The following CTNNA2 variants were observed in gnomAD, a reference collection of about 807,000 sequenced individuals.
CTNNA2 encodes catenin alpha-2.
Under a neutral mutation model 101.0 loss-of-function variants are expected in CTNNA2, and 42 were observed. That is an observed-to-expected ratio of 0.42 (90% confidence interval 0.32 to 0.54). The LOEUF (loss-of-function observed/expected upper bound fraction) is 0.54, where lower values mean the gene tolerates loss of function less well. CTNNA2 is among the 20% of genes least tolerant of loss of function. The pLI, the probability that CTNNA2 is intolerant of heterozygous loss-of-function variation, is 0.14. For synonymous variants in CTNNA2, 450 were observed against 456.4 expected, an observed-to-expected ratio of 0.99 and a Z score of 0.18; for missense variants, 871 against 1,223.1, an observed-to-expected ratio of 0.71 and a Z score of 4.29.
At chr2:80,342,874 G>A (rs572362113) in intron 7 of CTNNA2, among the ~76,000 whole-genome samples, 1 of 152,324 alleles carries the variant, frequency 6.6e-6, no homozygotes, top group Admixed American at 6.5e-5. Context: ...AGAGGTCCAA[G>A]ATCAAGGTAT....
chr2:79,287,682 A>T (rs1573034726), intron 2 of CTNNA2, among the ~76,000 whole-genome samples: 2 of 152,042 alleles, frequency 1.3e-5, no homozygotes, highest in East Asian at 3.9e-4. Context: ...AAGTCTGCAG[A>T]GGTTACTGCT....
At chr2:79,918,530 G>A (rs1297403321) in intron 7 of CTNNA2, among the ~76,000 whole-genome samples, 1 of 152,178 alleles carries the variant, frequency 6.6e-6, no homozygotes, top group Non-Finnish European at 1.5e-5. Flanking sequence ...GAGTAAAAAT[G>A]GGAATGTGTG....
chr2:79,894,542 G>T (rs79811725), intron 6 of CTNNA2, among the ~76,000 whole-genome samples: 1 of 152,022 alleles, frequency 6.6e-6, no homozygotes, highest in East Asian at 1.9e-4. Context: ...ACATTCTGCC[G>T]TAATGAACTG....
intron 4 of CTNNA2, among the ~76,000 whole-genome samples, chr2:79,494,906 C>T (rs559317657): frequency 8.1e-4 from 123 of 152,052 alleles, no homozygotes; most frequent in South Asian, 2.9e-3. Flanking sequence ...GTCAGGAAAT[C>T]GAGACCATCC....
intron 2 of CTNNA2, among the ~76,000 whole-genome samples, chr2:79,734,101 C>A (rs920479214): frequency 7.2e-5 from 11 of 152,072 alleles, no homozygotes; most frequent in Admixed American, 2.6e-4. Flanking sequence ...TAGGGACATT[C>A]CAAACAGCTT....
At chr2:79,939,981 A>G (rs1688043511) in intron 7 of CTNNA2, among the ~76,000 whole-genome samples, 1 of 152,156 alleles carries the variant, frequency 6.6e-6, no homozygotes, top group South Asian at 2.1e-4. Flanking sequence ...AGTCTCAGCT[A>G]CTTGGGAGGC....
chr2:80,181,624 T>G (rs1306028184), intron 7 of CTNNA2, among the ~76,000 whole-genome samples: 1 of 152,232 alleles, frequency 6.6e-6, no homozygotes, highest in African/African-American at 2.4e-5. Flanking sequence ...TATGTGCTTC[T>G]GAAGCTGGGA....
At chr2:80,301,253 T>C (rs1162125159) in intron 7 of CTNNA2, among the ~76,000 whole-genome samples, 1 of 152,218 alleles carries the variant, frequency 6.6e-6, no homozygotes, top group Non-Finnish European at 1.5e-5. Flanking sequence ...CTTAGCAATG[T>C]GCTCCAGAAG....
chr2:80,196,122 A>T (rs1280707706), intron 7 of CTNNA2, among the ~76,000 whole-genome samples: 1 of 152,038 alleles, frequency 6.6e-6, no homozygotes, highest in Non-Finnish European at 1.5e-5. Flanking sequence ...TTTTTTTGTA[A>T]AATGCATGTA....
intron 3 of CTNNA2, among the ~76,000 whole-genome samples, chr2:79,767,003 C>T (rs2105119165): frequency 1.3e-5 from 2 of 152,114 alleles, no homozygotes; most frequent in East Asian, 3.9e-4. Context: ...ATCCGCCTGC[C>T]TCGGCCTCCC....
intron 1 of CTNNA2, among the ~76,000 whole-genome samples, chr2:79,553,155 G>T (rs541956282): frequency 3.3e-5 from 5 of 152,188 alleles, no homozygotes; most frequent in South Asian, 2.1e-4. Context: ...TTGCTGCTTA[G>T]AAATTTCTTC....
At chr2:80,643,007 C>G (rs1210349907) in intron 18 of CTNNA2, among the ~76,000 whole-genome samples, 1 of 152,150 alleles carries the variant, frequency 6.6e-6, no homozygotes, top group African/African-American at 2.4e-5. Flanking sequence ...AACAGCTCTC[C>G]TGCCCCTATT....
At chr2:80,124,519 C>T (rs1702012541) in intron 7 of CTNNA2, among the ~76,000 whole-genome samples, 1 of 152,080 alleles carries the variant, frequency 6.6e-6, no homozygotes, top group Non-Finnish European at 1.5e-5. Flanking sequence ...ATAAAATATG[C>T]TCTCTATTAG....
intron 7 of CTNNA2, among the ~76,000 whole-genome samples, chr2:79,989,868 A>G (rs1465578065): frequency 6.6e-6 from 1 of 152,176 alleles, no homozygotes; most frequent in African/African-American, 2.4e-5. Flanking sequence ...TTGGTAATCC[A>G]GTAGCTGAAT....
chr2:80,134,915 G>T (rs774246918), intron 7 of CTNNA2, among the ~76,000 whole-genome samples: 2 of 152,110 alleles, frequency 1.3e-5, no homozygotes, highest in Non-Finnish European at 2.9e-5. Flanking sequence ...TTGGTTTTCT[G>T]CATTCCGACA....
chr2:80,254,077 C>G (rs1671961247), intron 7 of CTNNA2, among the ~76,000 whole-genome samples: 1 of 152,082 alleles, frequency 6.6e-6, no homozygotes, highest in Non-Finnish European at 1.5e-5. Flanking sequence ...CTCTGGTATA[C>G]AGGTTATGAA....
At chr2:80,270,331 A>C (rs1673363843) in intron 7 of CTNNA2, among the ~76,000 whole-genome samples, 1 of 152,310 alleles carries the variant, frequency 6.6e-6, no homozygotes, top group African/African-American at 2.4e-5. Flanking sequence ...ACTTAAAAAC[A>C]GCCTATGAAG....
chr2:80,606,349 T>C (rs1290983668), intron 16 of CTNNA2, among the ~76,000 whole-genome samples: 2 of 147,640 alleles, frequency 1.4e-5, no homozygotes, highest in Non-Finnish European at 3.0e-5. Context: ...AAACAGTTGA[T>C]ATGTGAAAAA....
intron 4 of CTNNA2, among the ~76,000 whole-genome samples, chr2:79,437,500 G>T (rs1177391277): frequency 6.6e-6 from 1 of 152,108 alleles, no homozygotes; most frequent in Non-Finnish European, 1.5e-5. Context: ...TCCAGCAGTG[G>T]AAACTTGTTA....
Sources: gnomAD v4.1 joint callset for allele counts (sites outside exome capture counted in the v4.1 genomes callset) on GRCh38, gnomAD v4.1.1 for gene constraint, MANE v1.5 for transcripts, NCBI Gene and HGNC (gene_info 2026-07-23, HGNC 2026-07-21) for gene names.